Variants in CENPQ observed in about 807,000 individuals in gnomAD.
The protein encoded by CENPQ is centromere protein Q.
A neutral mutation model predicts 36.6 loss-of-function variants in CENPQ; 27 were observed. That is an observed-to-expected ratio of 0.74 (90% CI 0.54 to 1.02). CENPQ has a LOEUF of 1.02. Among genes scored for constraint, CENPQ ranks in the 50% least tolerant of loss-of-function variants. CENPQ has a pLI of 0.00. For synonymous variants in CENPQ, 101 were observed against 101.7 expected (o/e 0.99, Z 0.04); for missense variants, 306 against 301.8 (o/e 1.01, Z -0.10).
chr6:49,472,838 T>A lies in CENPQ; in HGVS notation c.327T>A (p.His109Gln). The A allele has an allele frequency of 6.9e-7, 1 of 1,449,560 alleles. No homozygotes were observed. Among genetic ancestry groups the A allele is most frequent in the Non-Finnish European group, 9.4e-7 (1 of 1,068,710 alleles). The allele number at this position is 1,449,560 out of a possible 1,614,324, so 89.8% of individuals were successfully genotyped here. The change falls in exon 5 of 9, where the codon CAT (histidine) becomes CAA (glutamine). Residue 109 changes from histidine to glutamine, a missense_variant. Coordinates refer to ENST00000335783, the MANE Select transcript of CENPQ (RefSeq NM_018132.4). Reference protein sequence around the residue: ...SIKEKEEIQYHLNFLKKRLLQ... With the variant: ...SIKEKEEIQYQLNFLKKRLLQ... ...AAGAAAAAGAAGAAATACAATACCA[T>A]CTCAACTTCCTGAAGAAAAGGTAAT...
intron 6 of CENPQ, among the ~76,000 whole-genome samples, chr6:49,486,567 TCAGA>T (rs1460980285): frequency 6.6e-6 from 1 of 151,974 alleles, no homozygotes; most frequent in East Asian, 1.9e-4. Flanking sequence ...GAAAAGAGAC[TCAGA>T]CATATCAACC....
chr6:49,469,330 G>GTA (rs892725595), intron 1 of CENPQ, among the ~76,000 whole-genome samples: 4 of 151,922 alleles, frequency 2.6e-5, no homozygotes, highest in Admixed American at 6.6e-5. Context: ...GTTTATATGT[G>GTA]TATATATATA....
At chr6:49,486,033 C>T (rs369284951) in intron 6 of CENPQ, among the ~76,000 whole-genome samples, 117 of 152,186 alleles carry the variant, frequency 7.7e-4, no homozygotes, top group African/African-American at 2.7e-3. Context: ...TGTATCGTCA[C>T]GGGTACGTCC....
chr6:49,468,986 A>G (rs1265606672), intron 1 of CENPQ, among the ~76,000 whole-genome samples: 1 of 152,194 alleles, frequency 6.6e-6, no homozygotes, highest in African/African-American at 2.4e-5. Flanking sequence ...TAGAAATTGA[A>G]CACAAGATAG....
At chr6:49,487,136 A>G (rs1768602573) in intron 6 of CENPQ, among the ~76,000 whole-genome samples, 1 of 252 alleles carries the variant, frequency 4.0e-3, no homozygotes, top group South Asian at 0.5. Flanking sequence ...CTGGGCAACA[A>G]GAGCAAAACT....
intron 5 of CENPQ, among the ~76,000 whole-genome samples, chr6:49,478,272 A>C (rs2127425776): frequency 6.6e-6 from 1 of 152,342 alleles, no homozygotes; most frequent in African/African-American, 2.4e-5. Flanking sequence ...GGATAAAAGT[A>C]ACCTATGGTG....
At chr6:49,473,092 C>G (rs1034717407) in intron 5 of CENPQ, among the ~76,000 whole-genome samples, 2 of 152,110 alleles carry the variant, frequency 1.3e-5, no homozygotes, top group African/African-American at 4.8e-5. Flanking sequence ...TCTGTTTCCA[C>G]AGTTCACTCT....
At chr6:49,491,453 TACTG>T (rs900382671) in intron 8 of CENPQ, among the ~76,000 whole-genome samples, 1 of 152,196 alleles carries the variant, frequency 6.6e-6, no homozygotes, top group Admixed American at 6.5e-5. Flanking sequence ...TAGAAGTAAA[TACTG>T]ACAGTTTGGT....
chr6:49,488,981 G>C (rs915597418), intron 8 of CENPQ, among the ~76,000 whole-genome samples: 1 of 152,084 alleles, frequency 6.6e-6, no homozygotes, highest in Non-Finnish European at 1.5e-5. Flanking sequence ...TGCCAGTGGA[G>C]GGTCTTGCCT....
At chr6:49,464,514 A>C (rs1041760688) in intron 1 of CENPQ, among the ~76,000 whole-genome samples, 16 of 152,232 alleles carry the variant, frequency 1.1e-4, no homozygotes, top group African/African-American at 3.9e-4. Context: ...TCTCTGTAGC[A>C]TGTGATGCTG....
chr6:49,477,765 A>G (rs1415099205), intron 5 of CENPQ, among the ~76,000 whole-genome samples: 3 of 152,186 alleles, frequency 2.0e-5, no homozygotes, highest in Admixed American at 6.6e-5. Context: ...GAAAGGTTTA[A>G]CAAATTAAAA....
chr6:49,486,278 T>A (rs751633632), intron 6 of CENPQ, among the ~76,000 whole-genome samples: 3 of 152,242 alleles, frequency 2.0e-5, no homozygotes, highest in African/African-American at 4.8e-5. Context: ...CTTGATTTTG[T>A]ACTTCTGTCC....
At chr6:49,474,505 C>A (rs1339882988) in intron 5 of CENPQ, among the ~76,000 whole-genome samples, 1 of 152,066 alleles carries the variant, frequency 6.6e-6, no homozygotes, top group Non-Finnish European at 1.5e-5. Flanking sequence ...ATCTCTGCGA[C>A]ACATTTAAAG....
chr6:49,466,032 C>T (rs1434011140), intron 1 of CENPQ, among the ~76,000 whole-genome samples: 1 of 152,124 alleles, frequency 6.6e-6, no homozygotes, highest in African/African-American at 2.4e-5. Context: ...GTGATTTTTG[C>T]TTTCACTTGA....
intron 3 of CENPQ, 78 bp from the exon 4 acceptor site, chr6:49,471,985 G>C (rs1033194923): frequency 1.4e-6 from 2 of 1,439,284 alleles, no homozygotes; most frequent in Middle Eastern, 1.8e-4. Context: ...AGCTTTTTTA[G>C]ATGAAAACAT....
At chr6:49,474,469 C>T (rs1265984621) in intron 5 of CENPQ, among the ~76,000 whole-genome samples, 6 of 152,070 alleles carry the variant, frequency 3.9e-5, no homozygotes, top group East Asian at 3.9e-4. Context: ...TTGAAACCAA[C>T]GAGAACAAAG....
intron 5 of CENPQ, among the ~76,000 whole-genome samples, chr6:49,480,152 G>A (rs988269240): frequency 1.3e-5 from 2 of 151,936 alleles, no homozygotes; most frequent in African/African-American, 4.8e-5. Flanking sequence ...GTGGGATAGT[G>A]GGTTCCACTA....
At chr6:49,481,848 C>G (rs909520476) in intron 6 of CENPQ, among the ~76,000 whole-genome samples, 2 of 151,818 alleles carry the variant, frequency 1.3e-5, no homozygotes, top group African/African-American at 2.4e-5. Context: ...CTTGGGTGGT[C>G]GATGGGACTG....
rs1768401905 is a variant in CENPQ at position 49,480,563 on chromosome 6, C to G, written c.348-388C>G. On this transcript the variant is annotated intron_variant, in intron 5 of 8. Transcript: ENST00000335783. ...TTGGGGTCCAGGGTCATAGTTAAGA[C>G]TTCTAGACTAGTGTTCTGTCTCTCA... Among the ~76,000 whole-genome samples, 2 of 152,168 alleles carry G rather than the reference C, an allele frequency of 1.3e-5. 1 individual carries two copies. Among genetic ancestry groups the G allele is most frequent in the Admixed American group, 1.3e-4 (2 of 15,282 alleles).
Sources: allele counts gnomAD v4.1 joint callset (sites outside exome capture counted in the v4.1 genomes callset), GRCh38; gene constraint gnomAD v4.1.1; transcripts MANE v1.5; gene names NCBI Gene and HGNC (gene_info 2026-07-23, HGNC 2026-07-21).